Variants in TMEM116 observed in about 807,000 individuals in gnomAD.
The protein encoded by TMEM116 is transmembrane protein 116.
A neutral mutation model predicts 44.3 loss-of-function variants in TMEM116; 38 were observed. The observed-to-expected ratio is 0.86, with a 90% CI of 0.66 to 1.12. The LOEUF (loss-of-function observed/expected upper bound fraction) is 1.12, where lower values mean the gene tolerates loss of function less well. Among genes scored for constraint, TMEM116 ranks in the 50% most tolerant of loss-of-function variants. The probability of loss-of-function intolerance (pLI) is 0.00; values close to 1 mark genes in which losing one functional copy is unlikely to be tolerated. For missense variants in TMEM116, 354 were observed against 401.7 expected, an observed-to-expected ratio of 0.88 and a Z score of 1.01; for synonymous variants, 132 against 144.8, an observed-to-expected ratio of 0.91 and a Z score of 0.64.
chr12:112,005,048 T>C (rs1405803723), intron 2 of TMEM116, among the ~76,000 whole-genome samples: 1 of 152,252 alleles, frequency 6.6e-6, no homozygotes. Flanking sequence ...TGTCCACTGA[T>C]GTTCAGATGT....
intron 4 of TMEM116, among the ~76,000 whole-genome samples, chr12:111,985,379 T>C (rs1811301658): frequency 6.6e-6 from 1 of 152,148 alleles, no homozygotes; most frequent in Non-Finnish European, 1.5e-5. Flanking sequence ...GCTGCACTTC[T>C]ATGTATTAAC....
At chr12:112,008,462 A>G (rs1359541597) in intron 1 of TMEM116, among the ~76,000 whole-genome samples, 1 of 151,776 alleles carries the variant, frequency 6.6e-6, no homozygotes, top group Non-Finnish European at 1.5e-5. Flanking sequence ...CCTGGATGAC[A>G]GAGCAAGACT....
At chr12:112,008,036 T>C (rs112502212) in intron 1 of TMEM116, among the ~76,000 whole-genome samples, 2,884 of 152,308 alleles carry the variant, frequency 0.019, 45 homozygotes, top group Non-Finnish European at 0.028. Flanking sequence ...TATCTCTTTT[T>C]AGCAAAAAGC....
intron 4 of TMEM116, among the ~76,000 whole-genome samples, chr12:111,987,281 G>A (rs1378050516): frequency 6.6e-6 from 1 of 152,064 alleles, no homozygotes; most frequent in African/African-American, 2.4e-5. Flanking sequence ...GAGGCAGGCG[G>A]ATTGCTTGAA....
chr12:111,963,340 T>C (rs1477638657), intron 4 of TMEM116, among the ~76,000 whole-genome samples: 1 of 152,218 alleles, frequency 6.6e-6, no homozygotes, highest in Non-Finnish European at 1.5e-5. Flanking sequence ...CCCAAAGGAT[T>C]AGAAATCATT....
At position 111,991,793 on chromosome 12, in the gene TMEM116, C is replaced by T; in HGVS notation, c.175G>A (p.Asp59Asn). 1 of 1,535,542 alleles carries T rather than the reference C, an allele frequency of 6.5e-7. No homozygotes were observed. Among genetic ancestry groups the T allele is most frequent in the Non-Finnish European group, 8.7e-7 (1 of 1,146,528 alleles). ...LLYGASVANK[D>N]IICYNLQAVG... The stretch of plus-strand genomic sequence containing the variant: ...GCTTGTAGGTTATAGCAGATGATGT[C>T]CTTATTTGCTACTGAAGCTCCATAG... Residue 59 changes from aspartate (D) to asparagine (N), a missense_variant, in exon 4 of 11, where the codon GAC (aspartate) becomes AAC (asparagine). Asp to Asn is a conservative substitution (Grantham distance 23). Coordinates refer to ENST00000552374, the MANE Select transcript of TMEM116 (RefSeq NM_001193531.2).
intron 4 of TMEM116, among the ~76,000 whole-genome samples, chr12:111,953,075 T>A (rs562483007): frequency 6.6e-6 from 1 of 152,320 alleles, no homozygotes; most frequent in East Asian, 1.9e-4. Flanking sequence ...CCCAAATTTC[T>A]ACAAAAGTAC....
chr12:111,980,436 T>C (rs1201977776), intron 4 of TMEM116, among the ~76,000 whole-genome samples: 1 of 145,148 alleles, frequency 6.9e-6, no homozygotes, highest in African/African-American at 2.6e-5. Flanking sequence ...GATGAATATA[T>C]GAATAAAAAA....
intron 4 of TMEM116, among the ~76,000 whole-genome samples, chr12:111,948,489 T>G (rs1246447168): frequency 2.6e-5 from 4 of 152,204 alleles, no homozygotes; most frequent in Non-Finnish European, 5.9e-5. Flanking sequence ...AGTAAATATT[T>G]TGATCAATAG....
At chr12:111,968,655 T>C (rs1320160330) in intron 4 of TMEM116, among the ~76,000 whole-genome samples, 1 of 152,178 alleles carries the variant, frequency 6.6e-6, no homozygotes, top group Non-Finnish European at 1.5e-5. Flanking sequence ...ATAACTACAT[T>C]CTATCTTTTC....
intron 4 of TMEM116, among the ~76,000 whole-genome samples, chr12:111,990,008 C>A (rs1216266597): frequency 6.6e-6 from 1 of 152,154 alleles, no homozygotes; most frequent in Non-Finnish European, 1.5e-5. Context: ...GTAATCCCAG[C>A]ACTTTGGGAG....
chr12:111,953,005 G>A (rs1029060963), intron 4 of TMEM116, among the ~76,000 whole-genome samples: 1 of 152,086 alleles, frequency 6.6e-6, no homozygotes, highest in Non-Finnish European at 1.5e-5. Context: ...TATGTGAAAT[G>A]AGATTATCAT....
In TMEM116 at chr12:112,005,276, AT is replaced by A; in HGVS notation, c.-7del. On this transcript the variant is annotated 5_prime_UTR_variant, in exon 2 of 11. Coordinates refer to ENST00000552374, the MANE Select transcript of TMEM116 (RefSeq NM_001193531.2). ...ACATACCTCAGAGTAGCCATGACAA[AT>A]TGTATCCACTGTATTGCAGGAAGAA... is the stretch of plus-strand genomic sequence containing the variant. The A allele has an allele frequency of 7.5e-7, 1 of 1,337,564 alleles. No homozygotes were observed. The highest frequency in any genetic ancestry group is 3.1e-5 in the East Asian group (1 of 32,336). The allele number at this position is 1,337,564 out of a possible 1,614,324, so 82.9% of individuals were successfully genotyped here. A position where few individuals can be genotyped will look rare whatever the true frequency, so the allele number is the denominator to read the frequency against.
In TMEM116 at chr12:111,991,885, C is replaced by CT; in HGVS notation, c.82dup (p.Arg28LysfsTer10). The CT allele has an allele frequency of 6.5e-7, 1 of 1,534,800 alleles. No homozygotes were observed. Among genetic ancestry groups the CT allele is most frequent in the Non-Finnish European group, 8.7e-7 (1 of 1,145,852 alleles). On this transcript the variant is annotated frameshift_variant, in exon 4 of 11. Coordinates refer to ENST00000552374, the MANE Select transcript of TMEM116 (RefSeq NM_001193531.2). LOFTEE classifies it high-confidence loss of function. Reference sequence around the variant, plus strand: ...ACAGAAGCTCAGATAAAAAAGTGGTCTTATCTGTCAAAGTAATAAAATCCT... The same window carrying CT: ...ACAGAAGCTCAGATAAAAAAGTGGTCTTTATCTGTCAAAGTAATAAAATCCT...
chr12:111,948,563 G>C (rs922691085), intron 4 of TMEM116, among the ~76,000 whole-genome samples: 1 of 152,106 alleles, frequency 6.6e-6, no homozygotes, highest in African/African-American at 2.4e-5. Context: ...CATACCTAGA[G>C]CATCTCAAAC....
intron 3 of TMEM116, 75 bp downstream of exon 3, chr12:112,003,725 A>G: frequency 2.0e-6 from 3 of 1,468,142 alleles, no homozygotes; most frequent in Non-Finnish European, 8.9e-7. Flanking sequence ...CACCACTTAC[A>G]GGTAACATCT....
intron 4 of TMEM116, among the ~76,000 whole-genome samples, chr12:111,952,084 C>T (rs999316105): frequency 2.6e-5 from 4 of 152,050 alleles, no homozygotes; most frequent in Non-Finnish European, 5.9e-5. Flanking sequence ...CAAAAATTAG[C>T]TGGGTGTGGT....
At chr12:111,938,858 G>T (rs1400329066) in intron 5 of TMEM116, among the ~76,000 whole-genome samples, 2 of 151,632 alleles carry the variant, frequency 1.3e-5, no homozygotes, top group Non-Finnish European at 2.9e-5. Context: ...AGAAATAATA[G>T]AATTAAAAAT....
intron 4 of TMEM116, among the ~76,000 whole-genome samples, chr12:111,945,351 A>T (rs947972125): frequency 3.3e-5 from 5 of 149,690 alleles, no homozygotes; most frequent in Non-Finnish European, 7.4e-5. Flanking sequence ...CTCAAAAAAA[A>T]AAAAAAAAAA....
Sources: allele counts gnomAD v4.1 joint callset (sites outside exome capture counted in the v4.1 genomes callset), GRCh38; gene constraint gnomAD v4.1.1; transcripts MANE v1.5; gene names NCBI Gene and HGNC (gene_info 2026-07-23, HGNC 2026-07-21).